Variants in UGGT2 observed in about 807,000 individuals in gnomAD.
UGGT2 encodes the protein UDP-glucose glycoprotein glucosyltransferase 2.
In UGGT2, 180 loss-of-function variants were observed where a neutral mutation model predicts 192.1. That is an observed-to-expected ratio of 0.94 (90% CI 0.83 to 1.06). The LOEUF is 1.06. Ranked by LOEUF, UGGT2 falls within the 50% of genes least tolerant of loss-of-function variation. The pLI is 0.00. For missense variants in UGGT2, 1,849 were observed against 1,795.7 expected (o/e 1.03, Z -0.54); for synonymous variants, 580 against 591.0 (o/e 0.98, Z 0.27).
chr13:95,853,562 C>A lies in UGGT2; in HGVS notation c.4265G>T (p.Ser1422Ile). Reference sequence around the variant, plus strand: ...ACTTACCTGATCTAGGTTTGAAAGACTGTTTGGATCTTGACTGAGAGCTTG... The same window carrying A: ...ACTTACCTGATCTAGGTTTGAAAGAATGTTTGGATCTTGACTGAGAGCTTG... ...QYQALSQDPN[S>I]LSNLDQDLPN... Residue 1422 changes from serine (S) to isoleucine (I), a missense_variant, in exon 36 of 39, where the codon AGT becomes ATT. Ser to Ile is a moderately radical substitution (Grantham distance 142). Coordinates refer to ENST00000376747, the MANE Select transcript of UGGT2 (RefSeq NM_020121.4). 6.2e-7 allele frequency: 1 copy of A among 1,612,796 alleles called. No homozygotes were observed. Among genetic ancestry groups the A allele is most frequent in the East Asian group, 2.2e-5 (1 of 44,786 alleles).
At chr13:95,827,462 G>A (rs1222716342) in intron 38 of UGGT2, among the ~76,000 whole-genome samples, 2 of 152,032 alleles carry the variant, frequency 1.3e-5, no homozygotes, top group Non-Finnish European at 2.9e-5. Context: ...TACAAACCAA[G>A]GAGAGACGTC....
chr13:95,861,091 ATAACTATATTGTCTTTAGGTG>A (rs1465798463), intron 31 of UGGT2, among the ~76,000 whole-genome samples: 1 of 152,118 alleles, frequency 6.6e-6, no homozygotes, highest in Non-Finnish European at 1.5e-5. Flanking sequence ...AATGTGGAAT[ATAACTATATTGTCTTTAGGTG>A]AATGGGCTGG....
intron 31 of UGGT2, among the ~76,000 whole-genome samples, chr13:95,862,411 A>C (rs1225306634): frequency 6.6e-6 from 1 of 152,160 alleles, no homozygotes; most frequent in African/African-American, 2.4e-5. Flanking sequence ...AGTTCTTTAC[A>C]ATGTGCATCT....
chr13:95,992,358 T>G (rs565317661), intron 7 of UGGT2, among the ~76,000 whole-genome samples: 2 of 152,332 alleles, frequency 1.3e-5, no homozygotes, highest in East Asian at 3.9e-4. Flanking sequence ...GTGTCAGCTA[T>G]GATTTCTTTC....
intron 17 of UGGT2, among the ~76,000 whole-genome samples, chr13:95,931,778 A>G (rs979732478): frequency 2.0e-5 from 3 of 151,862 alleles, no homozygotes; most frequent in African/African-American, 7.3e-5. Context: ...GCGCTGGCCC[A>G]TGAACGTGGC....
intron 1 of UGGT2, among the ~76,000 whole-genome samples, chr13:96,035,228 T>C (rs1259028642): frequency 6.6e-6 from 1 of 152,124 alleles, no homozygotes; most frequent in Non-Finnish European, 1.5e-5. Flanking sequence ...CATAGATCAA[T>C]GGAACAGAAT....
rs1286615890 is a variant in UGGT2 at position 95,887,827 on chromosome 13, G to T, written c.3038+65C>A. On this transcript the variant is annotated intron_variant, in intron 26 of 38. Transcript: ENST00000376747. ...AGAAAAAACCAGGTCCAGTAACAAT[G>T]ATTGTTTTTTTCTTCTCAGCATTTA... 4.0e-6 allele frequency: 4 copies of T among 996,646 alleles called. No homozygotes were observed. In the Admixed American group the frequency reaches 6.5e-5, roughly 16 times the overall value. The allele number at this position is 996,646 out of a possible 1,614,324, so 61.7% of individuals were successfully genotyped here.
chr13:95,852,167 A>C (rs1336509531), intron 36 of UGGT2, among the ~76,000 whole-genome samples: 1 of 152,192 alleles, frequency 6.6e-6, no homozygotes, highest in Non-Finnish European at 1.5e-5. Context: ...TAGATTTTTA[A>C]ACAAAGGGAC....
intron 38 of UGGT2, among the ~76,000 whole-genome samples, chr13:95,809,986 G>A (rs2139740635): frequency 6.6e-6 from 1 of 152,282 alleles, no homozygotes; most frequent in Non-Finnish European, 1.5e-5. Flanking sequence ...GAATTATAAA[G>A]TTTTGGTGCT....
chr13:95,884,437 G>T lies in UGGT2; in HGVS notation c.3228+54C>A, dbSNP rs1427971995. 3.6e-6 allele frequency: 5 copies of T among 1,387,240 alleles called. No individual in the cohort carries two copies. In the Admixed American group the frequency reaches 9.5e-5, roughly 26 times the overall value. 85.9% of individuals were successfully genotyped at this position (1,387,240 alleles called of 1,614,324 possible). A position where few individuals can be genotyped will look rare whatever the true frequency, so the allele number is the denominator to read the frequency against. On this transcript the variant is annotated intron_variant, in intron 27 of 38. Transcript: ENST00000376747. ...CTCACTTGCTACAATTGTAATAGCT[G>T]ATAAGAATTTATCCTGTTTCTCTCT...
chr13:96,015,537 A>C (rs891923932), intron 4 of UGGT2, among the ~76,000 whole-genome samples: 1 of 152,164 alleles, frequency 6.6e-6, no homozygotes, highest in Non-Finnish European at 1.5e-5. Flanking sequence ...GAAAAATTAT[A>C]CCTATAGAGG....
In UGGT2 at chr13:95,947,127, TCC is replaced by T. The variant is rs1391603514; in HGVS notation, c.1585_1586del (p.Gly529SerfsTer3). 8.1e-6 allele frequency: 13 copies of T among 1,610,900 alleles called. No individual in the cohort carries two copies. Among genetic ancestry groups the T allele is most frequent in the Non-Finnish European group, 1.1e-5 (13 of 1,179,102 alleles). ...AGAGAGCAACTCCAGCATCATTTGC[TCC>T]ATCAACTTCATCATCTGTATTAAGA... ...FILNTDDEVD[G>X]ANDAGVALWR... On this transcript the variant is annotated frameshift_variant, in exon 15 of 39. Coordinates refer to ENST00000376747, the MANE Select transcript of UGGT2 (RefSeq NM_020121.4). LOFTEE classifies it high-confidence loss of function.
chr13:95,929,701 C>A (rs1392479166), intron 17 of UGGT2, among the ~76,000 whole-genome samples: 1 of 152,204 alleles, frequency 6.6e-6, no homozygotes, highest in Non-Finnish European at 1.5e-5. Context: ...CTGATGGACA[C>A]CTAGGCTGAT....
In UGGT2 at chr13:95,864,138, AT is replaced by A. The variant is rs1239522093; in HGVS notation, c.3559-425del. ...TTTATCTTCGGTTCTTCTATTGAGT[AT>A]TTTTTGTCACTTTAAATAATATTTA... On this transcript the variant is annotated intron_variant, in intron 30 of 38. Transcript: ENST00000376747. 2.0e-5 allele frequency among the ~76,000 whole-genome samples: 3 copies of A among 152,058 alleles called. No individual in the cohort carries two copies. In the South Asian group the frequency reaches 6.2e-4, roughly 32 times the overall value.
intron 25 of UGGT2, among the ~76,000 whole-genome samples, chr13:95,890,253 T>C (rs1435606484): frequency 2.0e-5 from 3 of 152,142 alleles, no homozygotes; most frequent in African/African-American, 4.8e-5. Flanking sequence ...CTTCACAACA[T>C]ATGAAAGACA....
intron 5 of UGGT2, among the ~76,000 whole-genome samples, chr13:96,011,971 A>G (rs555170417): frequency 5.9e-5 from 9 of 152,144 alleles, no homozygotes; most frequent in African/African-American, 1.7e-4. Context: ...TCTAAAATTA[A>G]CATGGCTACA....
intron 2 of UGGT2, among the ~76,000 whole-genome samples, chr13:96,024,940 C>T (rs746838569): frequency 2.6e-5 from 4 of 152,160 alleles, no homozygotes; most frequent in Non-Finnish European, 4.4e-5. Flanking sequence ...CTATTTGCTC[C>T]GAAAGTGCTG....
At chr13:95,803,133 C>T (rs566459267) in intron 38 of UGGT2, among the ~76,000 whole-genome samples, 9 of 152,032 alleles carry the variant, frequency 5.9e-5, no homozygotes, top group Admixed American at 2.6e-4. Flanking sequence ...TGTGCCCAGC[C>T]GATAGCCTGG....
At chr13:95,983,938 C>G (rs190194786) in intron 9 of UGGT2, 74 bp from the exon 10 acceptor site, 10,214 of 953,852 alleles carry the variant, frequency 0.011, 88 homozygotes, top group Non-Finnish European at 0.012. Flanking sequence ...CCAATGTAAT[C>G]TAATACTTTG....
Sources: gnomAD v4.1 joint callset for allele counts (sites outside exome capture counted in the v4.1 genomes callset) on GRCh38, gnomAD v4.1.1 for gene constraint, MANE v1.5 for transcripts, NCBI Gene and HGNC (gene_info 2026-07-23, HGNC 2026-07-21) for gene names.